CFI: variants seen among roughly 807,000 people sequenced by gnomAD.
CFI encodes the protein complement factor I.
Under a neutral mutation model 78.8 loss-of-function variants are expected in CFI, and 66 were observed. That is an observed-to-expected ratio of 0.84 (90% CI 0.69 to 1.03). The LOEUF (loss-of-function observed/expected upper bound fraction) is 1.03, where lower values mean the gene tolerates loss of function less well. CFI is among the 50% of genes least tolerant of loss of function. The pLI is 0.00. For missense variants in CFI, 706 were observed against 704.5 expected (o/e 1.00, Z -0.02); for synonymous variants, 250 against 232.6 (o/e 1.07, Z -0.68).
At chr4:109,746,710 G>A (rs116150641) in intron 10 of CFI, among the ~76,000 whole-genome samples, 1,531 of 152,294 alleles carry the variant, frequency 0.01, 23 homozygotes, top group African/African-American at 0.036. Flanking sequence ...AATAATCCAT[G>A]TAACTGCTCA....
rs571439843 is a variant in CFI, at chr4:109,747,678, T to C, written c.1149-1176A>G. On this transcript the variant is annotated intron_variant, in intron 10 of 12. Transcript: ENST00000394634. Reference sequence around the variant, plus strand: ...AGCAATAAAACTTATTTTTAAACAATTTAATGGAAATCTTTTCAAAAAATG... The same window carrying C: ...AGCAATAAAACTTATTTTTAAACAACTTAATGGAAATCTTTTCAAAAAATG... 3.9e-5 allele frequency among the ~76,000 whole-genome samples: 6 copies of C among 152,298 alleles called. No homozygotes were observed. In the East Asian group the frequency reaches 9.6e-4, roughly 24 times the overall value.
chr4:109,753,457 AT>A (rs1259747731), intron 7 of CFI, among the ~76,000 whole-genome samples: 2 of 91,642 alleles, frequency 2.2e-5, no homozygotes, highest in African/African-American at 4.6e-5. Context: ...AAATATTTAT[AT>A]ATATATTTAT....
intron 1 of CFI, among the ~76,000 whole-genome samples, chr4:109,771,133 T>C (rs1728532773): frequency 6.6e-6 from 1 of 152,126 alleles, no homozygotes; most frequent in African/African-American, 2.4e-5. Flanking sequence ...GGCTCATTCC[T>C]GTAATCCCAG....
chr4:109,793,021 A>T (rs1198509892), intron 1 of CFI, among the ~76,000 whole-genome samples: 1 of 152,060 alleles, frequency 6.6e-6, no homozygotes. Flanking sequence ...TGTATGTCTT[A>T]TACCTTTTTT....
intron 1 of CFI, among the ~76,000 whole-genome samples, chr4:109,769,584 G>T (rs539035653): frequency 1.3e-5 from 2 of 152,224 alleles, no homozygotes; most frequent in East Asian, 3.9e-4. Context: ...CTCATGCGGG[G>T]TACTATGAGG....
chr4:109,774,334 T>C (rs986458003), intron 1 of CFI, among the ~76,000 whole-genome samples: 1 of 152,276 alleles, frequency 6.6e-6, no homozygotes, highest in African/African-American at 2.4e-5. Flanking sequence ...GGAGAATTGC[T>C]GTTTTTATAG....
intron 1 of CFI, among the ~76,000 whole-genome samples, chr4:109,773,020 G>T (rs1391775663): frequency 6.6e-6 from 1 of 152,194 alleles, no homozygotes; most frequent in Non-Finnish European, 1.5e-5. Context: ...TTTGGCCAGT[G>T]AAATGTAAGC....
chr4:109,732,628 T>A, the CFI span, among the ~76,000 whole-genome samples: 1 of 151,998 alleles, frequency 6.6e-6, no homozygotes, highest in Non-Finnish European at 1.5e-5. Flanking sequence ...GAGGCTGAGA[T>A]GGGCAGATCA....
intron 7 of CFI, among the ~76,000 whole-genome samples, chr4:109,752,954 C>T (rs11936977): frequency 0.48 from 12,880 of 26,660 alleles, 3,329 homozygotes; most frequent in African/African-American, 0.57. Flanking sequence ...ATTTATAATA[C>T]ATATTTATTA....
chr4:109,756,131 GA>G (rs1388974476), intron 7 of CFI, among the ~76,000 whole-genome samples: 1 of 152,114 alleles, frequency 6.6e-6, no homozygotes, highest in Non-Finnish European at 1.5e-5. Context: ...TTAAACCACT[GA>G]AAAATGGTTG....
At chr4:109,800,206 G>A (rs1323498653) in intron 1 of CFI, among the ~76,000 whole-genome samples, 1 of 151,450 alleles carries the variant, frequency 6.6e-6, no homozygotes, top group Non-Finnish European at 1.5e-5. Context: ...ACCCATATGT[G>A]CCTGAGTTTG....
At chr4:109,800,830 C>CTT (rs1732696240) in intron 1 of CFI, among the ~76,000 whole-genome samples, 1 of 151,876 alleles carries the variant, frequency 6.6e-6, no homozygotes, top group Admixed American at 6.6e-5. Context: ...GTAGTAAGGA[C>CTT]TTTTTATTTA....
chr4:109,742,712 A>T, intron 11 of CFI, 117 bp from the exon 12 acceptor site: 1 of 692,888 alleles, frequency 1.4e-6, no homozygotes, highest in South Asian at 1.6e-5. Context: ...ATATATATAA[A>T]TTTTTGAGAA....
intron 1 of CFI, among the ~76,000 whole-genome samples, chr4:109,784,296 T>C (rs537237345): frequency 1.9e-4 from 29 of 152,246 alleles, no homozygotes; most frequent in Non-Finnish European, 3.5e-4. Context: ...CCTAATTACA[T>C]TCAAGAAAGA....
At chr4:109,763,938 T>C (rs558752035) in intron 3 of CFI, among the ~76,000 whole-genome samples, 1 of 149,816 alleles carries the variant, frequency 6.7e-6, no homozygotes, top group African/African-American at 2.4e-5. Context: ...TTAGAAGATA[T>C]TCTGAACCAA....
At chr4:109,772,797 T>G (rs1728762018) in intron 1 of CFI, among the ~76,000 whole-genome samples, 1 of 152,168 alleles carries the variant, frequency 6.6e-6, no homozygotes, top group Non-Finnish European at 1.5e-5. Flanking sequence ...TTGCCCAGGC[T>G]GGTCTTAAAC....
At position 109,772,898 on chromosome 4, in the gene CFI, T is replaced by C. The variant is rs543418011; in HGVS notation, c.58-6074A>G. ...CCTGCCTAACCTGAGAGTCTTTTAA[T>C]GTTTAGTTTTGTGGTAAACATTAAT... On this transcript the variant is annotated intron_variant, in intron 1 of 12. Transcript: ENST00000394634. Among the ~76,000 whole-genome samples, 14 of 152,322 alleles carry C rather than the reference T, an allele frequency of 9.2e-5. No homozygotes were observed. The East Asian group carries it at 2.7e-3, about 29-fold the overall frequency.
rs764046857 is a variant in CFI at position 109,746,215 on chromosome 4, CAT to C, written c.1429+5_1429+6del. 2.5e-6 allele frequency: 4 copies of C among 1,614,076 alleles called. No individual in the cohort carries two copies. The South Asian group carries it at 4.4e-5, about 18-fold the overall frequency. On this transcript the variant is annotated splice_donor_5th_base_variant and intron_variant, in intron 11 of 12. Transcript: ENST00000394634. ...GGCTTCTGATTAACAAACTGTAAAA[CAT>C]ATACCTTTTTCTCGTCCCCAGCCAG...
intron 1 of CFI, among the ~76,000 whole-genome samples, chr4:109,771,647 G>C (rs1728610474): frequency 6.7e-6 from 1 of 148,180 alleles, no homozygotes; most frequent in Non-Finnish European, 1.5e-5. Flanking sequence ...CAAGGAGGTG[G>C]AGGTTGCAGT....
Sources: gnomAD v4.1 joint callset for allele counts (sites outside exome capture counted in the v4.1 genomes callset) on GRCh38, gnomAD v4.1.1 for gene constraint, MANE v1.5 for transcripts, NCBI Gene and HGNC (gene_info 2026-07-23, HGNC 2026-07-21) for gene names.